The following CIMIP5 variants were observed in gnomAD, a reference collection of about 807,000 sequenced individuals.
CIMIP5 encodes the protein ciliary microtubule inner protein 5.
the CIMIP5 span, chr2:11,146,526 G>A: frequency 1.3e-5 from 2 of 152,160 alleles, no homozygotes; most frequent in African/African-American, 2.4e-5. Context: ...ATAGATCATC[G>A]GTGTTTCCAG....
the CIMIP5 span, chr2:11,140,455 TTG>T: frequency 7.5e-7 from 1 of 1,341,490 alleles, no homozygotes; most frequent in Non-Finnish European, 1.0e-6. Context: ...GTGAAAGTCA[TTG>T]GTAAAAATGT....
the CIMIP5 span, chr2:11,140,656 G>A: frequency 3.8e-6 from 3 of 788,968 alleles, no homozygotes; most frequent in African/African-American, 5.2e-5. Flanking sequence ...CCAGATACTG[G>A]ATGTGCAGCG....
the CIMIP5 span, chr2:11,144,049 G>A: frequency 1.2e-6 from 2 of 1,603,990 alleles, no homozygotes; most frequent in African/African-American, 2.7e-5. Context: ...CATCCGCATG[G>A]ACTTCTTCTT....
the CIMIP5 span, chr2:11,140,573 A>G: frequency 1.3e-6 from 2 of 1,533,456 alleles, no homozygotes; most frequent in Non-Finnish European, 1.8e-6. Context: ...TGTTCCTGCC[A>G]AACATACTTG....
At chr2:11,133,451 C>T in the CIMIP5 span, 7 of 1,610,200 alleles carry the variant, frequency 4.3e-6, no homozygotes, top group Admixed American at 1.7e-5. Context: ...CTATGGCCAG[C>T]AGGGGTCTTG....
At chr2:11,146,499 C>T in the CIMIP5 span, 1 of 152,224 alleles carries the variant, frequency 6.6e-6, no homozygotes, top group Non-Finnish European at 1.5e-5. Context: ...TCTCTGGGAT[C>T]CCTACTACCA....
At chr2:11,153,978 A>G in the CIMIP5 span, among the ~76,000 whole-genome samples, 11,262 of 151,442 alleles carry the variant, frequency 0.074, 1,029 homozygotes, top group African/African-American at 0.22. Flanking sequence ...TTATATACAT[A>G]TTATTTATTT....
At chr2:11,133,971 C>T in the CIMIP5 span, among the ~76,000 whole-genome samples, 2 of 152,132 alleles carry the variant, frequency 1.3e-5, no homozygotes, top group Admixed American at 6.5e-5. Context: ...TACCCATGAG[C>T]CGCTCTGAAA....
At chr2:11,144,482 G>C in the CIMIP5 span, 1 of 168,050 alleles carries the variant, frequency 6.0e-6, no homozygotes, top group East Asian at 1.6e-4. Flanking sequence ...CTGTGCCTCC[G>C]TCTCCCCTCC....
the CIMIP5 span, among the ~76,000 whole-genome samples, chr2:11,135,098 A>G: frequency 5.9e-5 from 9 of 152,276 alleles, no homozygotes; most frequent in South Asian, 1.9e-3. Flanking sequence ...GAGCTCATCC[A>G]TTACCGCAAG....
the CIMIP5 span, among the ~76,000 whole-genome samples, chr2:11,151,934 T>TG: frequency 1.3e-5 from 2 of 152,366 alleles, no homozygotes; most frequent in African/African-American, 2.4e-5. Flanking sequence ...GCGCTCCGAC[T>TG]GGGGATGGAA....
At chr2:11,139,297 T>A in the CIMIP5 span, among the ~76,000 whole-genome samples, 1 of 152,248 alleles carries the variant, frequency 6.6e-6, no homozygotes, top group Non-Finnish European at 1.5e-5. Context: ...AGTAGAATCC[T>A]ATTATTTCAA....
At chr2:11,139,521 T>TC in the CIMIP5 span, among the ~76,000 whole-genome samples, 3 of 152,176 alleles carry the variant, frequency 2.0e-5, no homozygotes, top group Non-Finnish European at 4.4e-5. Context: ...TTCCTACCTC[T>TC]CCCTAGCCTT....
the CIMIP5 span, among the ~76,000 whole-genome samples, chr2:11,140,230 C>G: frequency 6.6e-6 from 1 of 151,712 alleles, no homozygotes; most frequent in African/African-American, 2.4e-5. Context: ...AAAAAATTAG[C>G]CAGGCGCGGT....
the CIMIP5 span, among the ~76,000 whole-genome samples, chr2:11,135,039 G>A: frequency 1.3e-5 from 2 of 152,208 alleles, no homozygotes; most frequent in African/African-American, 4.8e-5. Flanking sequence ...GAGAGGAGGT[G>A]TCAGGTTCTT....
chr2:11,134,459 A>T, the CIMIP5 span, among the ~76,000 whole-genome samples: 1 of 152,202 alleles, frequency 6.6e-6, no homozygotes, highest in Non-Finnish European at 1.5e-5. Context: ...CTGAAACTTC[A>T]TACCCGTTGA....
At chr2:11,148,000 G>T in the CIMIP5 span, among the ~76,000 whole-genome samples, 1 of 152,220 alleles carries the variant, frequency 6.6e-6, no homozygotes, top group Non-Finnish European at 1.5e-5. Flanking sequence ...GGAAATGGGG[G>T]CATTACCTAT....
At chr2:11,136,336 G>A in the CIMIP5 span, among the ~76,000 whole-genome samples, 3 of 152,174 alleles carry the variant, frequency 2.0e-5, no homozygotes, top group African/African-American at 7.2e-5. Flanking sequence ...AGAGTGAAAA[G>A]GCAACTTACA....
chr2:11,152,884 C>T, the CIMIP5 span, among the ~76,000 whole-genome samples: 1 of 152,204 alleles, frequency 6.6e-6, no homozygotes, highest in Admixed American at 6.5e-5. Context: ...GGACCGCCCC[C>T]ATCCCCACAG....
Sources: allele counts gnomAD v4.1 joint callset (sites outside exome capture counted in the v4.1 genomes callset), GRCh38; gene constraint gnomAD v4.1.1; transcripts MANE v1.5; gene names NCBI Gene and HGNC (gene_info 2026-07-23, HGNC 2026-07-21).